Variants in PCDH9 observed in about 807,000 individuals in gnomAD.
PCDH9 encodes the protein protocadherin-9.
Under a neutral mutation model 70.6 loss-of-function variants are expected in PCDH9, and 24 were observed. The ratio of observed to expected loss-of-function variants is 0.34; its 90% CI spans 0.25 to 0.48. PCDH9 has a LOEUF of 0.48. Ranked by LOEUF, PCDH9 falls within the 20% of genes least tolerant of loss-of-function variation. The pLI, the probability that PCDH9 is intolerant of heterozygous loss-of-function variation, is 0.99. For synonymous variants in PCDH9, 562 were observed against 558.5 expected (o/e 1.01, Z -0.09); for missense variants, 1,281 against 1,503.6 (o/e 0.85, Z 2.45).
intron 2 of PCDH9, among the ~76,000 whole-genome samples, chr13:67,195,562 C>A (rs1439477885): frequency 6.6e-6 from 1 of 152,026 alleles, no homozygotes; most frequent in Non-Finnish European, 1.5e-5. Context: ...TTAGACTTTA[C>A]CAGAACTTTT....
intron 2 of PCDH9, among the ~76,000 whole-genome samples, chr13:67,160,585 T>A (rs1236914585): frequency 6.6e-6 from 1 of 152,114 alleles, no homozygotes; most frequent in African/African-American, 2.4e-5. Context: ...TATTTTTTTT[T>A]TTTATTTTAG....
chr13:66,777,352 A>C (rs879286969), intron 3 of PCDH9, among the ~76,000 whole-genome samples: 3,944 of 150,414 alleles, frequency 0.026, 145 homozygotes, highest in African/African-American at 0.088. Context: ...CAACCTACAA[A>C]ATGGGAGAAA....
At chr13:67,024,062 T>C (rs2084731286) in intron 2 of PCDH9, among the ~76,000 whole-genome samples, 1 of 152,130 alleles carries the variant, frequency 6.6e-6, no homozygotes, top group Non-Finnish European at 1.5e-5. Flanking sequence ...CCTCAGCACT[T>C]CAGACAAGTG....
At chr13:67,044,762 G>A (rs1415275270) in intron 2 of PCDH9, among the ~76,000 whole-genome samples, 1 of 152,094 alleles carries the variant, frequency 6.6e-6, no homozygotes, top group African/African-American at 2.4e-5. Context: ...AGGTGGTGAG[G>A]GAGTCCCTTA....
At chr13:66,476,159 T>A (rs1248032894) in intron 4 of PCDH9, among the ~76,000 whole-genome samples, 2 of 152,042 alleles carry the variant, frequency 1.3e-5, no homozygotes, top group African/African-American at 4.8e-5. Context: ...AACACCCCCC[T>A]ATCTTTATAA....
intron 2 of PCDH9, among the ~76,000 whole-genome samples, chr13:67,075,000 G>A (rs981143319): frequency 5.3e-5 from 8 of 151,302 alleles, no homozygotes; most frequent in Admixed American, 4.0e-4. Flanking sequence ...GGTGCCATCT[G>A]TTGTCCCAAT....
intron 2 of PCDH9, among the ~76,000 whole-genome samples, chr13:67,104,690 A>C (rs945670418): frequency 7.9e-5 from 12 of 152,128 alleles, no homozygotes; most frequent in African/African-American, 2.7e-4. Flanking sequence ...CTGGGACTAC[A>C]AGCGCCCACC....
Position 66,480,739 on chromosome 13 carries a change from G to A in PCDH9, c.3340+150471C>T, listed in dbSNP as rs570605108. On this transcript the variant is annotated intron_variant, in intron 4 of 4. Transcript: ENST00000377865. ...AGTGTAAATTAGTTCAACCATTGTG[G>A]AAGACAGTGTGGCAATTCCTCAAGG... 5.3e-4 allele frequency among the ~76,000 whole-genome samples: 80 copies of A among 152,240 alleles called. 1 individual carries two copies. The highest frequency in any genetic ancestry group is 6.0e-4 in the Non-Finnish European group (41 of 68,010).
At chr13:66,458,029 G>A (rs968958976) in intron 4 of PCDH9, among the ~76,000 whole-genome samples, 3 of 151,960 alleles carry the variant, frequency 2.0e-5, no homozygotes, top group Non-Finnish European at 4.4e-5. Flanking sequence ...GTGGAAACAG[G>A]TTGGTTAATT....
intron 4 of PCDH9, among the ~76,000 whole-genome samples, chr13:66,552,348 T>C (rs528380612): frequency 6.6e-6 from 1 of 152,148 alleles, no homozygotes; most frequent in East Asian, 1.9e-4. Flanking sequence ...TTTTCTGGGG[T>C]CTCCTAGGCG....
chr13:67,095,090 C>A (rs774260600), intron 2 of PCDH9, among the ~76,000 whole-genome samples: 60 of 151,790 alleles, frequency 4.0e-4, no homozygotes, highest in Admixed American at 4.6e-4. Context: ...AATATTCTTT[C>A]AAATCGTTTT....
At chr13:66,535,471 A>G (rs1960658095) in intron 4 of PCDH9, among the ~76,000 whole-genome samples, 1 of 152,058 alleles carries the variant, frequency 6.6e-6, no homozygotes, top group Non-Finnish European at 1.5e-5. Context: ...TACCAGCTGT[A>G]GTTACTTCTG....
At chr13:66,812,253 C>CGTT (rs2080522926) in intron 3 of PCDH9, among the ~76,000 whole-genome samples, 1 of 151,832 alleles carries the variant, frequency 6.6e-6, no homozygotes, top group Non-Finnish European at 1.5e-5. Flanking sequence ...AACGTGACAA[C>CGTT]CTATAAAACA....
intron 3 of PCDH9, among the ~76,000 whole-genome samples, chr13:66,739,811 C>A (rs1269268051): frequency 7.8e-6 from 1 of 128,630 alleles, no homozygotes; most frequent in African/African-American, 2.9e-5. Context: ...TATATATGCA[C>A]CCAATACAGG....
chr13:66,582,195 C>G (rs1242919583), intron 4 of PCDH9, among the ~76,000 whole-genome samples: 2 of 152,098 alleles, frequency 1.3e-5, no homozygotes, highest in African/African-American at 4.8e-5. Flanking sequence ...GAATTTCACA[C>G]TGTTATATTC....
intron 2 of PCDH9, among the ~76,000 whole-genome samples, chr13:67,046,406 G>T (rs2085222545): frequency 6.6e-6 from 1 of 152,090 alleles, no homozygotes; most frequent in South Asian, 2.1e-4. Context: ...TGATAAAGCT[G>T]AGTAACATCT....
intron 2 of PCDH9, among the ~76,000 whole-genome samples, chr13:67,019,417 G>A (rs1287491200): frequency 4.0e-5 from 6 of 151,466 alleles, no homozygotes; most frequent in East Asian, 2.0e-4. Context: ...GGATGGTCTC[G>A]ATCTCCTGAC....
chr13:66,592,586 A>T (rs934565346), intron 4 of PCDH9, among the ~76,000 whole-genome samples: 2 of 151,796 alleles, frequency 1.3e-5, no homozygotes, highest in Admixed American at 1.3e-4. Flanking sequence ...CAAGTGTAGA[A>T]GAAACATTCC....
At chr13:67,019,352 C>G (rs1184069315) in intron 2 of PCDH9, among the ~76,000 whole-genome samples, 1 of 151,770 alleles carries the variant, frequency 6.6e-6, no homozygotes, top group Non-Finnish European at 1.5e-5. Flanking sequence ...CGCCACCATG[C>G]CCGGCTGATT....
Sources: allele counts gnomAD v4.1 joint callset (sites outside exome capture counted in the v4.1 genomes callset), GRCh38; gene constraint gnomAD v4.1.1; transcripts MANE v1.5; gene names NCBI Gene and HGNC (gene_info 2026-07-23, HGNC 2026-07-21).